The following HIVEP3 variants were observed in gnomAD, a reference collection of about 807,000 sequenced individuals.
HIVEP3 encodes the protein transcription factor HIVEP3.
HIVEP3 carries 49 observed loss-of-function variants against 152.8 expected under a neutral mutation model. That is an observed-to-expected ratio of 0.32 (90% confidence interval 0.26 to 0.41). The LOEUF is 0.41. HIVEP3 is among the 10% of genes least tolerant of loss of function. The pLI, the probability that HIVEP3 is intolerant of heterozygous loss-of-function variation, is 1.00. For synonymous variants in HIVEP3, 1,269 were observed against 1,289.0 expected, an observed-to-expected ratio of 0.98 and a Z score of 0.33; for missense variants, 2,790 against 3,103.3, an observed-to-expected ratio of 0.90 and a Z score of 2.40.
intron 2 of HIVEP3, among the ~76,000 whole-genome samples, chr1:41,631,330 G>A (rs1645190741): frequency 1.3e-5 from 2 of 152,170 alleles, no homozygotes; most frequent in Admixed American, 1.3e-4. Context: ...TAAGAATGGT[G>A]AGTGCCTTCC....
chr1:41,527,245 A>ATACACCCC (rs1642999156), intron 5 of HIVEP3, among the ~76,000 whole-genome samples: 2 of 24,666 alleles, frequency 8.1e-5, no homozygotes, highest in Non-Finnish European at 1.9e-4. Context: ...CACTCACCTC[A>ATACACCCC]CACACACACA....
At chr1:41,920,330 G>C (rs7526203), upstream of HIVEP3, among the ~76,000 whole-genome samples, 1 of 152,024 alleles carries the variant, frequency 6.6e-6, no homozygotes, top group Non-Finnish European at 1.5e-5. Context: ...CTACCACAGA[G>C]AGCCTGTCAC....
At position 41,541,474 on chromosome 1, in the gene HIVEP3, G is replaced by A. The variant is rs1885655; in HGVS notation, c.5208-16564C>T. Among the ~76,000 whole-genome samples, 1,381 of 152,152 alleles carry A rather than the reference G, an allele frequency of 9.1e-3. 10 individuals carry two copies. The highest frequency in any genetic ancestry group is 0.014 in the Non-Finnish European group (952 of 68,006). On this transcript the variant is annotated intron_variant, in intron 5 of 8. Transcript: ENST00000372583. ...GTGGCCGTGACAGGCTGTCCACATC[G>A]CCTCCCTCCTGAATCCCCACAGCAG...
chr1:41,712,922 G>A (rs1006538503), intron 1 of HIVEP3, among the ~76,000 whole-genome samples: 2 of 152,190 alleles, frequency 1.3e-5, no homozygotes, highest in African/African-American at 2.4e-5. Context: ...GAGATCCTTG[G>A]CCTCCTGACA....
intron 5 of HIVEP3, among the ~76,000 whole-genome samples, chr1:41,538,512 A>G (rs1010437363): frequency 6.6e-6 from 1 of 152,118 alleles, no homozygotes; most frequent in African/African-American, 2.4e-5. Context: ...GATTTTTTTA[A>G]TACTAGGAAA....
intron 2 of HIVEP3, among the ~76,000 whole-genome samples, chr1:41,672,139 C>T (rs943373): frequency 0.76 from 115,235 of 152,110 alleles, 44,694 homozygotes; most frequent in East Asian, 0.99. Context: ...GCCCCTCTCA[C>T]CTGGGAGAGC....
intron 1 of HIVEP3, among the ~76,000 whole-genome samples, chr1:41,946,812 C>T (rs761769885): frequency 2.0e-5 from 3 of 152,144 alleles, no homozygotes; most frequent in Non-Finnish European, 4.4e-5. Flanking sequence ...CCTACAAGGA[C>T]TCAAAAGATT....
At chr1:41,860,623 C>T (rs1643875183) in intron 1 of HIVEP3, among the ~76,000 whole-genome samples, 1 of 152,218 alleles carries the variant, frequency 6.6e-6, no homozygotes, top group Non-Finnish European at 1.5e-5. Context: ...CTGAATGTAT[C>T]TGACGCCCTC....
chr1:41,631,824 A>ATGGCCGTGCTCTCTTC (rs1553240095), intron 2 of HIVEP3, among the ~76,000 whole-genome samples: 1 of 152,092 alleles, frequency 6.6e-6, no homozygotes, highest in Non-Finnish European at 1.5e-5. Flanking sequence ...ATTAATCAAA[A>ATGGCCGTGCTCTCTTC]TGGCCGTGCT....
At chr1:41,964,629 A>G (rs151227235) in intron 1 of HIVEP3, among the ~76,000 whole-genome samples, 1,561 of 152,306 alleles carry the variant, frequency 0.01, 25 homozygotes, top group African/African-American at 0.036. Context: ...GAATTCCCCC[A>G]CAGGTGCAGC....
Position 41,584,476 on chromosome 1 carries a change from C to T in HIVEP3, c.322G>A (p.Gly108Ser), listed in dbSNP as rs1439528323. 6.2e-7 allele frequency: 1 copy of T among 1,613,988 alleles called. No homozygotes were observed. The highest frequency in any genetic ancestry group is 1.3e-5 in the African/African-American group (1 of 74,884). ...CCCTCCAGGAGATGCTCAGGTTTGC[C>T]AGGCGACATGAATGCTGGTGTCAGA... ...HPLTPAFMSP[G>S]KPEHLLEGST... Residue 108 changes from glycine (G) to serine (S), a missense_variant, in exon 4 of 9, where the codon GGC (glycine) becomes AGC (serine). Physicochemically the swap from Gly to Ser is moderately conservative, Grantham distance 56 (BLOSUM62 0). Coordinates refer to ENST00000372583, the MANE Select transcript of HIVEP3 (RefSeq NM_024503.5). This position sits in a 1 kb window ranked among gnomAD's most constrained non-coding sequence, Gnocchi z 5.2.
At chr1:41,785,657 A>G (rs989518183) in intron 1 of HIVEP3, among the ~76,000 whole-genome samples, 1 of 152,222 alleles carries the variant, frequency 6.6e-6, no homozygotes, top group Non-Finnish European at 1.5e-5. Flanking sequence ...AGCTGTATAC[A>G]AATTTTGATG....
At chr1:41,673,810 G>T (rs1277954655) in intron 2 of HIVEP3, among the ~76,000 whole-genome samples, 1 of 152,188 alleles carries the variant, frequency 6.6e-6, no homozygotes, top group East Asian at 1.9e-4. Context: ...CAAACCATCA[G>T]AAATTTCCTG....
At chr1:41,999,550 G>A (rs1373209418) in intron 1 of HIVEP3, among the ~76,000 whole-genome samples, 2 of 152,136 alleles carry the variant, frequency 1.3e-5, no homozygotes, top group East Asian at 1.9e-4. Context: ...GGACACATGG[G>A]TCACTTGGAC....
chr1:41,626,501 G>C lies in HIVEP3; in HGVS notation c.-522+2248C>G, dbSNP rs528212213. Among the ~76,000 whole-genome samples the C allele has an allele frequency of 4.6e-5, 7 of 152,314 alleles. No individual in the cohort carries two copies. The South Asian group carries it at 1.5e-3, about 32-fold the overall frequency. ...AAACAAAGAGTCTGGGCACGAAGCG[G>C]GGGGAGGGGAGGGAAATGCCAAGTC... On this transcript the variant is annotated intron_variant, in intron 3 of 8. Coordinates refer to ENST00000372583, the MANE Select transcript of HIVEP3 (RefSeq NM_024503.5).
intron 1 of HIVEP3, among the ~76,000 whole-genome samples, chr1:41,750,830 CTGGGAT>C (rs903106539): frequency 2.6e-5 from 4 of 152,092 alleles, no homozygotes; most frequent in African/African-American, 9.7e-5. Flanking sequence ...TCCCAAGTAG[CTGGGAT>C]TACAGGTGTG....
chr1:41,779,122 G>A (rs1313395282), intron 1 of HIVEP3, among the ~76,000 whole-genome samples: 1 of 152,144 alleles, frequency 6.6e-6, no homozygotes, highest in African/African-American at 2.4e-5. Context: ...ACCCAAGATG[G>A]TGCCCACCTG....
At chr1:41,737,215 T>C (rs55796913) in intron 1 of HIVEP3, among the ~76,000 whole-genome samples, 1,799 of 152,254 alleles carry the variant, frequency 0.012, 34 homozygotes, top group African/African-American at 0.041. Context: ...TTAACGTATC[T>C]CAGCCTGGTT....
Position 41,777,624 on chromosome 1 carries a change from C to T in HIVEP3, c.-800-76629G>A, listed in dbSNP as rs546439286. Among the ~76,000 whole-genome samples, 10 of 152,348 alleles carry T rather than the reference C, an allele frequency of 6.6e-5. No homozygotes were observed. In the South Asian group the frequency reaches 1.0e-3, roughly 16 times the overall value. ...TAACAGTTCACATGCATTCGCTTTC[C>T]GTGTGTGCAGAGGAAAGAGCTTTGG... On this transcript the variant is annotated intron_variant, in intron 1 of 8. Coordinates refer to ENST00000372583, the MANE Select transcript of HIVEP3 (RefSeq NM_024503.5).
Sources: gnomAD v4.1 joint callset for allele counts (sites outside exome capture counted in the v4.1 genomes callset) on GRCh38, gnomAD v4.1.1 for gene constraint, Gnocchi (gnomAD v3.1) non-coding constraint, MANE v1.5 for transcripts, NCBI Gene and HGNC (gene_info 2026-07-23, HGNC 2026-07-21) for gene names.